The following RPS6KA6 variants were observed in gnomAD, a reference collection of about 807,000 sequenced individuals.
RPS6KA6 encodes ribosomal protein S6 kinase alpha-6.
A neutral mutation model predicts 65.4 loss-of-function variants in RPS6KA6; 27 were observed. That is an observed-to-expected ratio of 0.41 (90% CI 0.30 to 0.57). RPS6KA6 has a LOEUF of 0.57. RPS6KA6 is among the 20% of genes least tolerant of loss of function. The probability of loss-of-function intolerance (pLI) is 0.24; values close to 1 mark genes in which losing one functional copy is unlikely to be tolerated. For missense variants in RPS6KA6, 486 were observed against 555.6 expected, an observed-to-expected ratio of 0.87 and a Z score of 1.26; for synonymous variants, 190 against 184.2, an observed-to-expected ratio of 1.03 and a Z score of -0.26.
At position 84,147,026 on chromosome X, in the gene RPS6KA6, C is replaced by T; in HGVS notation, c.373G>A (p.Asp125Asn). The change falls in exon 5 of 22, where the codon GAT (aspartate) becomes AAT (asparagine). Residue 125 changes from aspartate (D) to asparagine (N), a missense_variant. Physicochemically the swap from Asp to Asn is conservative, Grantham distance 23. Transcript: ENST00000262752. ...GGATGATTTACTTCCACCAGTATATCCCTCTCCATCTTTGTCCGAACTCTG... is the reference window on the plus strand; with the variant it reads ...GGATGATTTACTTCCACCAGTATATTCCTCTCCATCTTTGTCCGAACTCTG... ...RDRVRTKMER[D>N]ILVEVNHPFI... The T allele has an allele frequency of 5.1e-6, 6 of 1,184,457 alleles. No individual in the cohort carries two copies. Among genetic ancestry groups the T allele is most frequent in the Non-Finnish European group, 6.9e-6 (6 of 875,302 alleles).
chrX:84,073,876 T>C (rs1437992990), intron 20 of RPS6KA6, among the ~76,000 whole-genome samples: 1 of 110,889 alleles, frequency 9.0e-6, no homozygotes, highest in East Asian at 2.8e-4. Context: ...AAATGACAAA[T>C]GCTGCCATGG....
At chrX:84,078,463 T>C (rs757295317) in intron 20 of RPS6KA6, among the ~76,000 whole-genome samples, 4 of 111,109 alleles carry the variant, frequency 3.6e-5, no homozygotes, top group African/African-American at 1.3e-4. Context: ...AAAAAAAAGA[T>C]ATACACACAT....
chrX:84,186,061 C>T, intron 1 of RPS6KA6: 1 of 511,905 alleles, frequency 2.0e-6, no homozygotes, highest in Non-Finnish European at 3.5e-6. Context: ...ACCACATTAC[C>T]TTCACCTTTC....
chrX:84,109,931 A>G, intron 12 of RPS6KA6, among the ~76,000 whole-genome samples: 1 of 111,243 alleles, frequency 9.0e-6, no homozygotes, highest in African/African-American at 3.3e-5. Flanking sequence ...CTGGGGTCTG[A>G]GCTCAGAGGG....
At position 84,146,406 on chromosome X, in the gene RPS6KA6, C is replaced by T. The variant is rs770363888; in HGVS notation, c.421+572G>A. On this transcript the variant is annotated intron_variant, in intron 5 of 21. Transcript: ENST00000262752. ...GTACACTATATCAGAGGTAGATAGA[C>T]GATAGATAAATAGATAGAGTTGATC... 7.5e-4 allele frequency among the ~76,000 whole-genome samples: 84 copies of T among 111,277 alleles called. 1 individual carries two copies. The highest frequency in any genetic ancestry group is 2.7e-3 in the African/African-American group (82 of 30,766).
At chrX:84,140,953 C>T (rs1303935547) in intron 6 of RPS6KA6, among the ~76,000 whole-genome samples, 2 of 109,172 alleles carry the variant, frequency 1.8e-5, no homozygotes, top group Non-Finnish European at 3.8e-5. Context: ...AAAGGACATG[C>T]TTCATACTGA....
At chrX:84,166,751 G>A (rs2035602077) in intron 1 of RPS6KA6, among the ~76,000 whole-genome samples, 1 of 111,511 alleles carries the variant, frequency 9.0e-6, no homozygotes, top group South Asian at 3.8e-4. Context: ...CTAATGGTTG[G>A]TTGGGGTGAG....
At chrX:84,081,309 A>G (rs1444352380) in intron 20 of RPS6KA6, among the ~76,000 whole-genome samples, 2 of 112,186 alleles carry the variant, frequency 1.8e-5, no homozygotes, top group South Asian at 3.7e-4. Context: ...TCACAGAAAT[A>G]CAAACAACCA....
At chrX:84,174,916 T>C (rs1490485741) in intron 1 of RPS6KA6, among the ~76,000 whole-genome samples, 1 of 111,768 alleles carries the variant, frequency 8.9e-6, no homozygotes, top group Non-Finnish European at 1.9e-5. Flanking sequence ...TCTAAATGAA[T>C]AAAATTTATA....
chrX:84,163,632 C>A (rs979493612), intron 2 of RPS6KA6, among the ~76,000 whole-genome samples: 1 of 75,937 alleles, frequency 1.3e-5, no homozygotes, highest in Non-Finnish European at 2.3e-5. Flanking sequence ...GGCGACAGAG[C>A]GAGACTCCGT....
intron 5 of RPS6KA6, among the ~76,000 whole-genome samples, chrX:84,146,202 G>A (rs531044468): frequency 2.0e-3 from 226 of 111,386 alleles, no homozygotes; most frequent in South Asian, 0.011. Context: ...GTCTTTAGAT[G>A]TTACTTTTTT....
At chrX:84,106,021 CAT>C in intron 15 of RPS6KA6, 145 bp from the exon 16 acceptor site, 1 of 388,109 alleles carries the variant, frequency 2.6e-6, no homozygotes, top group Non-Finnish European at 4.4e-6. Context: ...CATTTAAAAA[CAT>C]AAGTAAAAAA....
chrX:84,080,169 A>G (rs1306246022), intron 20 of RPS6KA6, among the ~76,000 whole-genome samples: 1 of 106,117 alleles, frequency 9.4e-6, no homozygotes, highest in Non-Finnish European at 1.9e-5. Flanking sequence ...AAGCTTCCAG[A>G]GAAAGGAACA....
intron 1 of RPS6KA6, among the ~76,000 whole-genome samples, chrX:84,170,635 C>CAA (rs200340959): frequency 2.0e-5 from 2 of 98,664 alleles, no homozygotes; most frequent in African/African-American, 7.5e-5. Context: ...GGCTCAAAGG[C>CAA]AAAAAAAAAC....
At position 84,062,910 on chromosome X, in the gene RPS6KA6, T is replaced by C. The variant is rs967684810; in HGVS notation, c.*1367A>G. 9.3e-6 allele frequency: 1 copy of C among 107,770 alleles called. No homozygotes were observed. The highest frequency in any genetic ancestry group is 3.4e-5 in the African/African-American group (1 of 29,777). 8.9% of individuals were successfully genotyped at this position (107,770 alleles called of 1,213,427 possible). On this transcript the variant is annotated 3_prime_UTR_variant, in exon 22 of 22. Transcript: ENST00000262752. The stretch of plus-strand genomic sequence containing the variant: ...CCTCCAGTTTACATTCATGAATTCT[T>C]TCTGTCAGTAGTAGTAGTAGTAGTA...
chrX:84,172,375 C>A (rs1188109340), intron 1 of RPS6KA6, among the ~76,000 whole-genome samples: 2 of 111,711 alleles, frequency 1.8e-5, no homozygotes, highest in Non-Finnish European at 3.8e-5. Flanking sequence ...TAAGAACTAA[C>A]CCTCTCAACA....
chrX:84,148,195 C>G (rs2035234807), intron 3 of RPS6KA6, 72 bp from the exon 4 acceptor site: 2 of 578,238 alleles, frequency 3.5e-6, no homozygotes, highest in Admixed American at 3.3e-5. Context: ...CACAAACACA[C>G]CAGCATACAC....
At chrX:84,158,014 T>C (rs747965461) in intron 2 of RPS6KA6, among the ~76,000 whole-genome samples, 20 of 109,341 alleles carry the variant, frequency 1.8e-4, no homozygotes, top group African/African-American at 6.6e-4. Context: ...ATGTAAAATG[T>C]TACACTGTGT....
intron 20 of RPS6KA6, among the ~76,000 whole-genome samples, chrX:84,088,630 A>C (rs971155133): frequency 8.9e-6 from 1 of 112,178 alleles, no homozygotes; most frequent in Non-Finnish European, 1.9e-5. Flanking sequence ...TTTAAGAAAC[A>C]GTCTGGCTGC....
Sources: allele counts gnomAD v4.1 joint callset (sites outside exome capture counted in the v4.1 genomes callset), GRCh38; gene constraint gnomAD v4.1.1; transcripts MANE v1.5; gene names NCBI Gene and HGNC (gene_info 2026-07-23, HGNC 2026-07-21).